The following FGD3 variants were observed in gnomAD, a reference collection of about 807,000 sequenced individuals.
FGD3 encodes the protein FYVE, RhoGEF and PH domain-containing protein 3.
FGD3 carries 45 observed loss-of-function variants against 71.8 expected under a neutral mutation model. That is an observed-to-expected ratio of 0.63 (90% CI 0.49 to 0.80). The LOEUF is 0.80. Among genes scored for constraint, FGD3 ranks in the 30% least tolerant of loss-of-function variants. The pLI is 0.00. For synonymous variants in FGD3, 378 were observed against 392.8 expected, an observed-to-expected ratio of 0.96 and a Z score of 0.44; for missense variants, 844 against 951.5, an observed-to-expected ratio of 0.89 and a Z score of 1.49.
At chr9:92,970,673 G>A (rs761893272) in intron 1 of FGD3, among the ~76,000 whole-genome samples, 7 of 152,222 alleles carry the variant, frequency 4.6e-5, no homozygotes, top group African/African-American at 7.2e-5. Flanking sequence ...ACACATGACT[G>A]TGTTGCATTC....
Position 93,002,807 on chromosome 9 carries a change from C to T in FGD3, c.454-118C>T, listed in dbSNP as rs1377738582. On this transcript the variant is annotated intron_variant, in intron 3 of 17. Transcript: ENST00000375482. ...GCCCCTCCTGCCCCTTCTCTTGCCC[C>T]AGTGGCCTCCTGCCACCCCTGTGGC... 7 of 915,964 alleles carry T rather than the reference C, an allele frequency of 7.6e-6. No individual in the cohort carries two copies. In the African/African-American group the frequency reaches 8.2e-5, roughly 11 times the overall value. The allele number at this position is 915,964 out of a possible 1,614,324, so 56.7% of individuals were successfully genotyped here.
At chr9:93,000,051 A>ATTTT (rs34356006) in intron 3 of FGD3, among the ~76,000 whole-genome samples, 8 of 150,758 alleles carry the variant, frequency 5.3e-5, no homozygotes, top group East Asian at 1.9e-4. Context: ...TGTTTAATTG[A>ATTTT]TTTTTTTTTG....
At chr9:93,013,722 C>A in intron 8 of FGD3, 130 bp from the exon 9 acceptor site, 1 of 1,148,742 alleles carries the variant, frequency 8.7e-7, no homozygotes, top group East Asian at 2.4e-5. Context: ...TGTTTTCCCT[C>A]CCACCCTTGT....
Position 93,034,582 on chromosome 9 carries a change from C to G in FGD3, c.1827C>G (p.Gly609=), listed in dbSNP as rs575743191. ...ACCCCCAGCCCAGCCTGCTCTGCGG[C>G]CCCCTGCGGCTGTCAGAGAGCGGTG... ...TADPQPSLLC[G]PLRLSESGET... The change falls in exon 17 of 18, where the codon GGC becomes GGG. Residue 609 remains glycine (G), a synonymous_variant. Coordinates refer to ENST00000375482, the MANE Select transcript of FGD3 (RefSeq NM_001083536.2). 5.1e-5 allele frequency: 83 copies of G among 1,613,112 alleles called. No homozygotes were observed. Among genetic ancestry groups the G allele is most frequent in the Non-Finnish European group, 6.7e-5 (79 of 1,179,738 alleles).
chr9:92,961,165 C>G (rs1201968351), intron 1 of FGD3, among the ~76,000 whole-genome samples: 2 of 152,174 alleles, frequency 1.3e-5, no homozygotes, highest in Non-Finnish European at 1.5e-5. Context: ...GAAGACAGGA[C>G]TGGGGGTCCC....
chr9:93,035,345 G>C lies in FGD3; in HGVS notation c.1934G>C (p.Arg645Pro). ...LHLQGGSQDGRLPRTIPLPSC... is the reference protein window; with the variant it reads ...LHLQGGSQDGPLPRTIPLPSC... Reference sequence around the variant, plus strand: ...TCTGCTCCTCTGCTGCAGGACGGCCGGCTGCCCCGCACCATCCCTCTCCCC... The same window carrying C: ...TCTGCTCCTCTGCTGCAGGACGGCCCGCTGCCCCGCACCATCCCTCTCCCC... The change falls in exon 18 of 18, where the codon CGG (arginine) becomes CCG (proline). Residue 645 changes from arginine to proline, a missense_variant. Coordinates refer to ENST00000375482, the MANE Select transcript of FGD3 (RefSeq NM_001083536.2). The C allele has an allele frequency of 1.2e-6, 2 of 1,607,794 alleles. No individual in the cohort carries two copies. Among genetic ancestry groups the C allele is most frequent in the Non-Finnish European group, 8.5e-7 (1 of 1,177,124 alleles).
chr9:92,992,900 T>G (rs1587837028), intron 3 of FGD3, among the ~76,000 whole-genome samples: 1 of 152,182 alleles, frequency 6.6e-6, no homozygotes, highest in African/African-American at 2.4e-5. Context: ...TGTGTTATAC[T>G]TTTTCCCTGA....
chr9:93,020,043 A>G (rs1861852152), intron 12 of FGD3, among the ~76,000 whole-genome samples, 182 bp downstream of exon 12: 1 of 152,226 alleles, frequency 6.6e-6, no homozygotes, highest in African/African-American at 2.4e-5. Context: ...CAAGCCCTTC[A>G]ACCCATTCAT....
intron 13 of FGD3, among the ~76,000 whole-genome samples, chr9:93,021,321 G>T (rs1292916613): frequency 6.6e-6 from 1 of 152,186 alleles, no homozygotes; most frequent in Non-Finnish European, 1.5e-5. Flanking sequence ...TGGGAAAGAG[G>T]CGGGGCTGCA....
At chr9:92,974,382 G>A (rs894090980) in intron 1 of FGD3, 2 of 152,238 alleles carry the variant, frequency 1.3e-5, no homozygotes, top group African/African-American at 2.4e-5. Context: ...CATTGAACTC[G>A]TTAGGAATGC....
Position 93,020,417 on chromosome 9 carries a change from A to G in FGD3, c.1487A>G (p.Asp496Gly). Reference protein sequence around the residue: ...SQDEDPSLSPDMPITSTSPVE... With the variant: ...SQDEDPSLSPGMPITSTSPVE... The stretch of plus-strand genomic sequence containing the variant: ...GATGAGGACCCCAGCCTCTCTCCAG[A>G]CATGCCTGTGAGTCAGTGGCCCGGG... The change falls in exon 13 of 18, where the codon GAC (aspartate) becomes GGC (glycine). Residue 496 changes from aspartate to glycine, a missense_variant. By Grantham distance (94) the Asp-to-Gly change is moderately conservative. Transcript: ENST00000375482. The G allele has an allele frequency of 6.2e-7, 1 of 1,613,174 alleles. No individual in the cohort carries two copies. Among genetic ancestry groups the G allele is most frequent in the South Asian group, 1.1e-5 (1 of 90,888 alleles).
chr9:93,005,586 C>T (rs1019815789), intron 5 of FGD3, among the ~76,000 whole-genome samples: 1 of 152,208 alleles, frequency 6.6e-6, no homozygotes, highest in African/African-American at 2.4e-5. Flanking sequence ...CTGTCCAAAG[C>T]AGCTTTTTTC....
At chr9:93,023,795 C>CTTTTTTTTTTTTT (rs569058583) in intron 14 of FGD3, among the ~76,000 whole-genome samples, 1 of 107,672 alleles carries the variant, frequency 9.3e-6, no homozygotes, top group Non-Finnish European at 1.8e-5. Context: ...CCATCAGCAA[C>CTTTTTTTTTTTTT]TTTTTTTTTT....
rs529745081 is a variant in FGD3 at position 93,018,914 on chromosome 9, C to T, written c.1355+699C>T. On this transcript the variant is annotated intron_variant, in intron 11 of 17. Coordinates refer to ENST00000375482, the MANE Select transcript of FGD3 (RefSeq NM_001083536.2). ...AGGCTGGAGTGCAGTGGCACAATCT[C>T]GGCTCACTGCAACCTCCACCTCCCA... Among the ~76,000 whole-genome samples, 12 of 152,178 alleles carry T rather than the reference C, an allele frequency of 7.9e-5. No homozygotes were observed. In the East Asian group the frequency reaches 1.4e-3, roughly 17 times the overall value.
At chr9:93,011,064 G>A in intron 7 of FGD3, 150 bp from the exon 8 acceptor site, 1 of 766,786 alleles carries the variant, frequency 1.3e-6, no homozygotes, top group Non-Finnish European at 2.2e-6. Context: ...CCCTTCCTCT[G>A]GGCCAGTCCT....
intron 1 of FGD3, among the ~76,000 whole-genome samples, chr9:92,966,767 C>T (rs141273215): frequency 3.3e-5 from 5 of 152,350 alleles, no homozygotes; most frequent in Admixed American, 2.0e-4. Context: ...CTCCCCTGGA[C>T]ACCCCCAGCT....
intron 16 of FGD3, chr9:93,033,437 C>T (rs1322323543): frequency 5.9e-6 from 1 of 170,786 alleles, no homozygotes; most frequent in Admixed American, 5.7e-5. Flanking sequence ...CTTCTCCTCC[C>T]CGTACCCTTT....
chr9:92,974,021 C>T (rs1859630889), intron 1 of FGD3, among the ~76,000 whole-genome samples: 1 of 152,254 alleles, frequency 6.6e-6, no homozygotes, highest in Non-Finnish European at 1.5e-5. Context: ...TCACCTCATT[C>T]ATTCCCGTCT....
intron 10 of FGD3, among the ~76,000 whole-genome samples, chr9:93,016,239 G>C (rs1035729124): frequency 6.6e-6 from 1 of 152,040 alleles, no homozygotes; most frequent in Non-Finnish European, 1.5e-5. Context: ...GGCTTCCCTT[G>C]TCTGGTTCCT....
Sources: gnomAD v4.1 joint callset for allele counts (sites outside exome capture counted in the v4.1 genomes callset) on GRCh38, gnomAD v4.1.1 for gene constraint, MANE v1.5 for transcripts, NCBI Gene and HGNC (gene_info 2026-07-23, HGNC 2026-07-21) for gene names.